The following MACROD2 variants were observed in gnomAD, a reference collection of about 807,000 sequenced individuals.
The protein encoded by MACROD2 is ADP-ribose glycohydrolase MACROD2.
Under a neutral mutation model 70.4 loss-of-function variants are expected in MACROD2, and 36 were observed. The observed-to-expected ratio is 0.51, with a 90% confidence interval of 0.39 to 0.68. The LOEUF (loss-of-function observed/expected upper bound fraction) is 0.68, where lower values mean the gene tolerates loss of function less well. MACROD2 is among the 30% of genes least tolerant of loss of function. MACROD2 has a pLI of 0.00. For missense variants in MACROD2, 496 were observed against 538.4 expected, an observed-to-expected ratio of 0.92 and a Z score of 0.78; for synonymous variants, 172 against 178.8, an observed-to-expected ratio of 0.96 and a Z score of 0.30.
chr20:15,875,528 A>T (rs1231309153), intron 9 of MACROD2, among the ~76,000 whole-genome samples: 1 of 152,060 alleles, frequency 6.6e-6, no homozygotes, highest in Non-Finnish European at 1.5e-5. Context: ...AACCATTTCC[A>T]CTTGATGGGC....
chr20:14,392,943 A>G (rs1055819039), intron 3 of MACROD2, among the ~76,000 whole-genome samples: 4 of 152,140 alleles, frequency 2.6e-5, no homozygotes, highest in African/African-American at 9.7e-5. Context: ...GTGCCTGTCC[A>G]GACTGTCTGT....
chr20:15,713,223 A>G (rs2050654215), intron 8 of MACROD2, among the ~76,000 whole-genome samples: 1 of 152,252 alleles, frequency 6.6e-6, no homozygotes, highest in Non-Finnish European at 1.5e-5. Context: ...TCAAAGATAT[A>G]GAGTCTGTAT....
intron 13 of MACROD2, among the ~76,000 whole-genome samples, chr20:15,967,839 G>T (rs1313434499): frequency 6.6e-6 from 1 of 152,048 alleles, no homozygotes; most frequent in Non-Finnish European, 1.5e-5. Flanking sequence ...TTACTTTTGT[G>T]CCAGGCTGGC....
chr20:14,775,925 A>T (rs1359752494), intron 5 of MACROD2, among the ~76,000 whole-genome samples: 1 of 152,062 alleles, frequency 6.6e-6, no homozygotes, highest in Admixed American at 6.6e-5. Flanking sequence ...CAAACAGAAG[A>T]TTGGGTTACT....
chr20:15,863,845 G>A (rs570346969), intron 9 of MACROD2, among the ~76,000 whole-genome samples: 9 of 152,286 alleles, frequency 5.9e-5, no homozygotes, highest in African/African-American at 2.2e-4. Context: ...AAAAACCAAT[G>A]GAGATGGTCA....
chr20:14,074,345 T>A (rs567970233), intron 2 of MACROD2, among the ~76,000 whole-genome samples: 15 of 152,154 alleles, frequency 9.9e-5, no homozygotes, highest in Middle Eastern at 3.2e-3. Flanking sequence ...TTAGATTTAT[T>A]ATTGGATTCC....
chr20:14,648,862 C>A (rs987024590), intron 4 of MACROD2, among the ~76,000 whole-genome samples: 1 of 152,128 alleles, frequency 6.6e-6, no homozygotes. Context: ...ATAATCTTCA[C>A]CTATGCCAGT....
At chr20:15,796,413 G>A (rs1323617921) in intron 8 of MACROD2, among the ~76,000 whole-genome samples, 3 of 152,190 alleles carry the variant, frequency 2.0e-5, no homozygotes, top group Non-Finnish European at 2.9e-5. Context: ...TCCTCTTGAT[G>A]TACACATTTG....
chr20:14,498,773 C>A (rs2084884627), intron 4 of MACROD2, among the ~76,000 whole-genome samples: 1 of 152,162 alleles, frequency 6.6e-6, no homozygotes, highest in Non-Finnish European at 1.5e-5. Context: ...GGAATGATTT[C>A]ATAAATTTTG....
intron 5 of MACROD2, among the ~76,000 whole-genome samples, chr20:15,211,349 A>G (rs1399146063): frequency 6.6e-5 from 10 of 152,160 alleles, no homozygotes; most frequent in Admixed American, 6.5e-4. Flanking sequence ...CAGTTGATGG[A>G]CATTGAGTTG....
intron 8 of MACROD2, among the ~76,000 whole-genome samples, chr20:15,571,725 T>C (rs2048378085): frequency 1.3e-5 from 2 of 152,074 alleles, no homozygotes; most frequent in Non-Finnish European, 2.9e-5. Context: ...GGAACTTGTG[T>C]TATTTGAACT....
At chr20:15,049,471 A>C (rs954839060) in intron 5 of MACROD2, among the ~76,000 whole-genome samples, 27 of 152,206 alleles carry the variant, frequency 1.8e-4, no homozygotes, top group African/African-American at 6.3e-4. Flanking sequence ...GAAGTAAAAA[A>C]AAATCAATAT....
chr20:15,462,647 G>A (rs192611230), intron 7 of MACROD2, among the ~76,000 whole-genome samples: 1 of 152,290 alleles, frequency 6.6e-6, no homozygotes, highest in Non-Finnish European at 1.5e-5. Flanking sequence ...TGACACCTTG[G>A]TTTGTTGATT....
rs1296542559 is a variant in MACROD2 at position 15,145,025 on chromosome 20, C to T, written c.419-84915C>T. Among the ~76,000 whole-genome samples, 4 of 152,102 alleles carry T rather than the reference C, an allele frequency of 2.6e-5. 1 individual carries two copies. Among genetic ancestry groups the T allele is most frequent in the Non-Finnish European group, 5.9e-5 (4 of 68,010 alleles). ...TGGTGCCTGGCAACTGTTTGCCTTA[C>T]TTGTTATTGGAAATCCAAACTCTAG... On this transcript the variant is annotated intron_variant, in intron 5 of 17. Coordinates refer to ENST00000684519, the MANE Select transcript of MACROD2 (RefSeq NM_001351661.2).
chr20:14,356,952 T>G (rs1362461301), intron 3 of MACROD2, among the ~76,000 whole-genome samples: 1 of 152,216 alleles, frequency 6.6e-6, no homozygotes, highest in African/African-American at 2.4e-5. Context: ...TATGGCAGCA[T>G]GTCTGGATTT....
chr20:15,400,941 C>T (rs942461924), intron 6 of MACROD2, among the ~76,000 whole-genome samples: 1 of 152,116 alleles, frequency 6.6e-6, no homozygotes, highest in Non-Finnish European at 1.5e-5. Context: ...AGCTAGAGAT[C>T]TCACATCTAC....
chr20:14,851,038 C>A (rs1001887016), intron 5 of MACROD2, among the ~76,000 whole-genome samples: 4 of 151,508 alleles, frequency 2.6e-5, no homozygotes, highest in African/African-American at 9.7e-5. Flanking sequence ...AAAAATAAGG[C>A]CTCATATTAT....
At chr20:15,552,551 G>A (rs1398953348) in intron 8 of MACROD2, 1 of 152,248 alleles carries the variant, frequency 6.6e-6, no homozygotes, top group Non-Finnish European at 1.5e-5. Flanking sequence ...GCCCAGCTGA[G>A]TTTACCTGCA....
At chr20:15,568,241 TTG>T (rs1476316553) in intron 8 of MACROD2, among the ~76,000 whole-genome samples, 1 of 152,202 alleles carries the variant, frequency 6.6e-6, no homozygotes, top group African/African-American at 2.4e-5. Flanking sequence ...CTCTCATCCT[TTG>T]TGTTTCTTTC....
Sources: gnomAD v4.1 joint callset for allele counts (sites outside exome capture counted in the v4.1 genomes callset) on GRCh38, gnomAD v4.1.1 for gene constraint, MANE v1.5 for transcripts, NCBI Gene and HGNC (gene_info 2026-07-23, HGNC 2026-07-21) for gene names.